The following PARG variants were observed in gnomAD, a reference collection of about 807,000 sequenced individuals.
PARG encodes poly(ADP-ribose) glycohydrolase, also known as mitochondrial poly(ADP-ribose) glycohydrolase.
A neutral mutation model predicts 113.0 loss-of-function variants in PARG; 35 were observed. The ratio of observed to expected loss-of-function variants is 0.31; its 90% CI spans 0.24 to 0.41. The LOEUF is 0.41. Among genes scored for constraint, PARG ranks in the 10% least tolerant of loss-of-function variants. The probability of loss-of-function intolerance (pLI) is 1.00; values close to 1 mark genes in which losing one functional copy is unlikely to be tolerated. For synonymous variants in PARG, 330 were observed against 409.9 expected, an observed-to-expected ratio of 0.81 and a Z score of 2.36; for missense variants, 797 against 1,169.4, an observed-to-expected ratio of 0.68 and a Z score of 4.64.
intron 14 of PARG, 124 bp downstream of exon 14, chr10:49,843,430 C>G: frequency 1.5e-6 from 1 of 689,090 alleles, no homozygotes; most frequent in Non-Finnish European, 2.6e-6. Context: ...ATGCTGATTT[C>G]TTTTCTTTTT....
intron 6 of PARG, among the ~76,000 whole-genome samples, chr10:49,917,498 AAAAAAAAAAGAAAAAAAG>A (rs1308699118): frequency 6.7e-6 from 1 of 148,854 alleles, no homozygotes; most frequent in East Asian, 2.0e-4. Context: ...CAAAAAAAAA[AAAAAAAAAAGAAAAAAAG>A]AAAAAAGAAT....
chr10:49,892,126 C>T (rs1323858484), intron 7 of PARG, among the ~76,000 whole-genome samples: 5 of 152,182 alleles, frequency 3.3e-5, no homozygotes, highest in South Asian at 4.2e-4. Flanking sequence ...TCTTTTTCCT[C>T]ATACATAGGT....
chr10:49,902,069 C>T (rs1349111055), intron 7 of PARG, among the ~76,000 whole-genome samples: 628 of 152,042 alleles, frequency 4.1e-3, no homozygotes, highest in East Asian at 0.015. Context: ...GGATAGTAGC[C>T]AGTGTTTGGA....
chr10:49,904,083 T>C (rs569493631), intron 7 of PARG, among the ~76,000 whole-genome samples: 36 of 151,434 alleles, frequency 2.4e-4, no homozygotes, highest in African/African-American at 8.4e-4. Flanking sequence ...AGTAAAATTA[T>C]GACATCATAC....
intron 7 of PARG, among the ~76,000 whole-genome samples, chr10:49,912,082 T>C (rs1837217058): frequency 6.6e-6 from 1 of 151,542 alleles, no homozygotes; most frequent in Non-Finnish European, 1.5e-5. Flanking sequence ...TGCAGATCAC[T>C]TGAGGTCAGG....
chr10:49,934,772 C>T (rs1234602230), intron 2 of PARG, among the ~76,000 whole-genome samples: 2 of 151,746 alleles, frequency 1.3e-5, no homozygotes, highest in Non-Finnish European at 2.9e-5. Context: ...TGGCGTGAAC[C>T]CAGGAGGCAG....
At chr10:49,930,782 GT>G (rs1838442260) in intron 4 of PARG, among the ~76,000 whole-genome samples, 1 of 132,762 alleles carries the variant, frequency 7.5e-6, no homozygotes, top group Non-Finnish European at 1.6e-5. Flanking sequence ...TAAATTGTAT[GT>G]TAAAAGGGAT....
chr10:49,835,515 T>C (rs1302683474), intron 15 of PARG, among the ~76,000 whole-genome samples: 2 of 151,948 alleles, frequency 1.3e-5, no homozygotes, highest in African/African-American at 4.8e-5. Flanking sequence ...AAAGGTAATT[T>C]GGGAGTCCTG....
chr10:49,858,368 C>CACAT (rs1157628489), intron 12 of PARG, among the ~76,000 whole-genome samples: 3 of 135,514 alleles, frequency 2.2e-5, no homozygotes, highest in Non-Finnish European at 4.7e-5. Flanking sequence ...CACACACACA[C>CACAT]ACAACTTGTG....
At chr10:49,931,527 A>T (rs1484374099) in intron 4 of PARG, among the ~76,000 whole-genome samples, 2 of 151,972 alleles carry the variant, frequency 1.3e-5, no homozygotes, top group African/African-American at 4.8e-5. Context: ...GAACTGACTC[A>T]GCACAAGAGG....
intron 7 of PARG, among the ~76,000 whole-genome samples, chr10:49,904,917 A>AAAATAAAT (rs60426487): frequency 0.09 from 13,306 of 147,778 alleles, 783 homozygotes; most frequent in African/African-American, 0.16. Flanking sequence ...GAACATCTCA[A>AAAATAAAT]AAATAAATAA....
intron 7 of PARG, among the ~76,000 whole-genome samples, chr10:49,889,426 A>G (rs1199975672): frequency 6.6e-6 from 1 of 152,190 alleles, no homozygotes; most frequent in South Asian, 2.1e-4. Flanking sequence ...TTTAGTACCC[A>G]AAGTGGAAAG....
Position 49,819,261 on chromosome 10 carries a change from C to G in PARG, c.*79G>C, listed in dbSNP as rs887554107. 8.8e-7 allele frequency: 1 copy of G among 1,141,748 alleles called. No individual in the cohort carries two copies. Among genetic ancestry groups the G allele is most frequent in the Non-Finnish European group, 1.2e-6 (1 of 805,360 alleles). The allele number at this position is 1,141,748 out of a possible 1,614,324, so 70.7% of individuals were successfully genotyped here. A position where few individuals can be genotyped will look rare whatever the true frequency, so the allele number is the denominator to read the frequency against. On this transcript the variant is annotated 3_prime_UTR_variant, in exon 18 of 18. Transcript: ENST00000616448. ...TGTACACATTTATATTAACTTAAGT[C>G]AATTCATATATTACACCTGACAGCT...
chr10:49,922,103 G>A (rs1554849423), intron 6 of PARG, among the ~76,000 whole-genome samples: 1 of 152,180 alleles, frequency 6.6e-6, no homozygotes, highest in African/African-American at 2.4e-5. Flanking sequence ...TCAAGAAACA[G>A]AGGTATTATT....
chr10:49,856,185 C>CT (rs369401318), intron 13 of PARG, among the ~76,000 whole-genome samples: 26,683 of 145,330 alleles, frequency 0.18, 2,394 homozygotes, highest in Non-Finnish European at 0.26. Context: ...GATAATCAGA[C>CT]TTTTTTTTTT....
At chr10:49,884,015 G>T (rs1420611429) in intron 8 of PARG, among the ~76,000 whole-genome samples, 1 of 152,100 alleles carries the variant, frequency 6.6e-6, no homozygotes, top group African/African-American at 2.4e-5. Context: ...TCAGCCTATA[G>T]AGAGGCCCAT....
intron 16 of PARG, 100 bp downstream of exon 16, chr10:49,832,703 G>A: frequency 1.7e-6 from 1 of 582,658 alleles, no homozygotes; most frequent in Non-Finnish European, 3.1e-6. Context: ...TTTTCTCTTA[G>A]ATTTTTGTGG....
intron 6 of PARG, among the ~76,000 whole-genome samples, chr10:49,916,854 A>G (rs1407127481): frequency 6.6e-6 from 1 of 152,188 alleles, no homozygotes; most frequent in African/African-American, 2.4e-5. Context: ...CACACACTCA[A>G]AATTTTTTTA....
At chr10:49,842,138 A>C (rs1348821627) in intron 14 of PARG, 80 bp from the exon 15 acceptor site, 2 of 932,288 alleles carry the variant, frequency 2.1e-6, no homozygotes, top group African/African-American at 3.3e-5. Flanking sequence ...TCAGGTTGCC[A>C]AGACTTTAGC....
Sources: gnomAD v4.1 joint callset for allele counts (sites outside exome capture counted in the v4.1 genomes callset) on GRCh38, gnomAD v4.1.1 for gene constraint, MANE v1.5 for transcripts, NCBI Gene and HGNC (gene_info 2026-07-23, HGNC 2026-07-21) for gene names.